The following TTC27 variants were observed in gnomAD, a reference collection of about 807,000 sequenced individuals.
The protein encoded by TTC27 is tetratricopeptide repeat protein 27.
In TTC27, 79 loss-of-function variants were observed where a neutral mutation model predicts 115.9. The observed-to-expected ratio is 0.68, with a 90% CI of 0.57 to 0.82. The LOEUF is 0.82. Among genes scored for constraint, TTC27 ranks in the 40% least tolerant of loss-of-function variants. The pLI is 0.00. For synonymous variants in TTC27, 401 were observed against 356.0 expected (o/e 1.13, Z -1.42); for missense variants, 1,054 against 993.1 (o/e 1.06, Z -0.82).
intron 12 of TTC27, among the ~76,000 whole-genome samples, chr2:32,752,596 G>A (rs1311422065): frequency 6.6e-6 from 1 of 152,142 alleles, no homozygotes; most frequent in Non-Finnish European, 1.5e-5. Context: ...TTACCATGTG[G>A]TCCCAAGGTT....
chr2:32,632,350 A>C (rs1306693677), intron 2 of TTC27, among the ~76,000 whole-genome samples: 1 of 152,028 alleles, frequency 6.6e-6, no homozygotes, highest in African/African-American at 2.4e-5. Context: ...TCTCATAGCA[A>C]CTAGCCTTGT....
chr2:32,748,280 A>G (rs762510744), intron 12 of TTC27, among the ~76,000 whole-genome samples: 46 of 152,068 alleles, frequency 3.0e-4, no homozygotes, highest in African/African-American at 6.8e-4. Context: ...TTTTATCCCA[A>G]TTGTGGTTGG....
chr2:32,664,169 C>G, intron 5 of TTC27, 134 bp from the exon 6 acceptor site: 2 of 711,148 alleles, frequency 2.8e-6, no homozygotes, highest in Non-Finnish European at 4.3e-6. Flanking sequence ...CTGTATTCCT[C>G]AGGTCTTATG....
chr2:32,640,215 T>C, intron 3 of TTC27, 55 bp from the exon 4 acceptor site: 2 of 1,490,994 alleles, frequency 1.3e-6, no homozygotes, highest in South Asian at 1.2e-5. Context: ...ACAAGACATA[T>C]AAAGATTAAT....
At chr2:32,805,107 GGACTCA>G (rs1671084936) in intron 16 of TTC27, among the ~76,000 whole-genome samples, 1 of 152,182 alleles carries the variant, frequency 6.6e-6, no homozygotes, top group Non-Finnish European at 1.5e-5. Context: ...ACAGGATCCA[GGACTCA>G]GACTGAATTC....
chr2:32,645,877 C>T (rs185977121), intron 4 of TTC27, among the ~76,000 whole-genome samples: 43 of 151,586 alleles, frequency 2.8e-4, no homozygotes, highest in Admixed American at 7.9e-4. Flanking sequence ...CCACCAGGCC[C>T]GGCTAATTTT....
intron 13 of TTC27, among the ~76,000 whole-genome samples, chr2:32,770,429 C>T (rs1669787660): frequency 6.6e-6 from 1 of 152,164 alleles, no homozygotes; most frequent in African/African-American, 2.4e-5. Context: ...CAGTTTTGCC[C>T]TCGAGGATAT....
chr2:32,810,728 CA>C (rs1671289462), intron 16 of TTC27, among the ~76,000 whole-genome samples: 1 of 152,096 alleles, frequency 6.6e-6, no homozygotes, highest in Non-Finnish European at 1.5e-5. Context: ...TCCAATCATT[CA>C]GAGAGAATGT....
chr2:32,714,739 C>A (rs1257782201), intron 10 of TTC27, among the ~76,000 whole-genome samples: 1 of 152,112 alleles, frequency 6.6e-6, no homozygotes, highest in Non-Finnish European at 1.5e-5. Flanking sequence ...TTTTCCACAA[C>A]CTCTTTAGCA....
intron 18 of TTC27, among the ~76,000 whole-genome samples, chr2:32,814,022 T>C (rs1671401354): frequency 6.6e-6 from 1 of 152,230 alleles, no homozygotes; most frequent in Non-Finnish European, 1.5e-5. Flanking sequence ...GGATATTGTA[T>C]GATATTTGGG....
At chr2:32,782,916 C>T (rs1257037173) in intron 15 of TTC27, among the ~76,000 whole-genome samples, 1 of 152,096 alleles carries the variant, frequency 6.6e-6, no homozygotes, top group Non-Finnish European at 1.5e-5. Flanking sequence ...TACTTGAAAT[C>T]TTTATTTATT....
rs769336907 is a variant in TTC27, at chr2:32,634,937, G to A, written c.396+932G>A. ...CTCCCAAAGTGCTGGGTTTACAGGC[G>A]TGAGCCACCATTCCCGGCTTGCAGG... On this transcript the variant is annotated intron_variant, in intron 3 of 19. Coordinates refer to ENST00000317907, the MANE Select transcript of TTC27 (RefSeq NM_017735.5). 6.6e-5 allele frequency among the ~76,000 whole-genome samples: 10 copies of A among 152,236 alleles called. No individual in the cohort carries two copies. In the East Asian group the frequency reaches 1.5e-3, roughly 24 times the overall value.
chr2:32,776,538 G>A (rs1194334002), intron 13 of TTC27, among the ~76,000 whole-genome samples: 1 of 152,152 alleles, frequency 6.6e-6, no homozygotes, highest in Non-Finnish European at 1.5e-5. Context: ...ACTGTTGGAA[G>A]GAAAACAACT....
chr2:32,710,339 T>A (rs573870731), intron 10 of TTC27, among the ~76,000 whole-genome samples: 1 of 151,766 alleles, frequency 6.6e-6, no homozygotes, highest in South Asian at 2.1e-4. Flanking sequence ...CTTTGGCAAA[T>A]AAAATAACTA....
intron 5 of TTC27, among the ~76,000 whole-genome samples, chr2:32,663,809 T>C (rs1665653462): frequency 6.6e-6 from 1 of 152,112 alleles, no homozygotes; most frequent in Non-Finnish European, 1.5e-5. Flanking sequence ...CTCAGCCTCC[T>C]GAGTAGCTGG....
Position 32,692,363 on chromosome 2 carries a change from G to A in TTC27, c.1120-10444G>A, listed in dbSNP as rs116029672. On this transcript the variant is annotated intron_variant, in intron 9 of 19. Transcript: ENST00000317907. ...CTATGTAATTCCACATGAAGTACCT[G>A]GAGTAGCCAAAATTCATAGAACCAA... is the stretch of plus-strand genomic sequence containing the variant. Among the ~76,000 whole-genome samples, 508 of 152,124 alleles carry A rather than the reference G, an allele frequency of 3.3e-3. 4 individuals are homozygous for A. The highest frequency in any genetic ancestry group is 0.012 in the African/African-American group (478 of 41,488).
Position 32,821,018 on chromosome 2 carries a change from T to C in TTC27, c.*80T>C. 3.2e-6 allele frequency: 4 copies of C among 1,263,882 alleles called. No homozygotes were observed. Among genetic ancestry groups the C allele is most frequent in the African/African-American group, 3.1e-5 (2 of 65,380 alleles). The allele number at this position is 1,263,882 out of a possible 1,614,324, so 78.3% of individuals were successfully genotyped here. A position where few individuals can be genotyped will look rare whatever the true frequency, so the allele number is the denominator to read the frequency against. On this transcript the variant is annotated 3_prime_UTR_variant, in exon 20 of 20. Transcript: ENST00000317907. ...ATCTGTATATCTGAAATGCAAGATA[T>C]TGATTTTTAAAATAAATTTGTTTTA... is the stretch of plus-strand genomic sequence containing the variant.
chr2:32,653,800 A>G (rs1665221915), intron 5 of TTC27, among the ~76,000 whole-genome samples: 3 of 152,200 alleles, frequency 2.0e-5, no homozygotes, highest in Non-Finnish European at 2.9e-5. Context: ...GTTTTAGCAT[A>G]CATTTTAAGT....
intron 14 of TTC27, chr2:32,780,155 G>A: frequency 2.2e-6 from 1 of 444,606 alleles, no homozygotes. Context: ...GATAGTTTTG[G>A]CTATTCAGCA....
Sources: allele counts gnomAD v4.1 joint callset (sites outside exome capture counted in the v4.1 genomes callset), GRCh38; gene constraint gnomAD v4.1.1; transcripts MANE v1.5; gene names NCBI Gene and HGNC (gene_info 2026-07-23, HGNC 2026-07-21).